Variants in HPSE2 observed in about 807,000 individuals in gnomAD.
HPSE2 encodes the protein heparanase 2 (inactive), also known as inactive heparanase-2.
HPSE2 carries 38 observed loss-of-function variants against 60.5 expected under a neutral mutation model. That is an observed-to-expected ratio of 0.63 (90% CI 0.48 to 0.82). The LOEUF is 0.82. Among genes scored for constraint, HPSE2 ranks in the 40% least tolerant of loss-of-function variants. The pLI is 0.00. For missense variants in HPSE2, 713 were observed against 740.4 expected (o/e 0.96, Z 0.43); for synonymous variants, 295 against 293.2 (o/e 1.01, Z -0.06).
At chr10:98,838,905 T>C (rs1042328566) in intron 3 of HPSE2, among the ~76,000 whole-genome samples, 5 of 152,136 alleles carry the variant, frequency 3.3e-5, no homozygotes, top group African/African-American at 1.2e-4. Flanking sequence ...GGCTCATCTG[T>C]AGATCCTGTG....
intron 3 of HPSE2, among the ~76,000 whole-genome samples, chr10:99,118,155 A>G (rs954488038): frequency 6.6e-6 from 1 of 152,168 alleles, no homozygotes; most frequent in African/African-American, 2.4e-5. Flanking sequence ...TATTATCTCA[A>G]TAGACGCAGG....
At chr10:98,792,659 C>T (rs528704569) in intron 3 of HPSE2, among the ~76,000 whole-genome samples, 1 of 147,360 alleles carries the variant, frequency 6.8e-6, no homozygotes, top group African/African-American at 2.5e-5. Flanking sequence ...AAAAAAAACA[C>T]GAAGAATGGA....
chr10:98,929,579 A>G lies in HPSE2; in HGVS notation c.611-185523T>C, dbSNP rs2135103383. On this transcript the variant is annotated intron_variant, in intron 3 of 11. Transcript: ENST00000370552. ...CTAAGTTATTTGCCAGAAGAATTCC[A>G]ACGTTCAAAAGTTGAAAGACTATAG... Among the ~76,000 whole-genome samples, 2 of 144,008 alleles carry G rather than the reference A, an allele frequency of 1.4e-5. 1 individual carries two copies. Among genetic ancestry groups the G allele is most frequent in the East Asian group, 3.9e-4 (2 of 5,064 alleles). 94.5% of individuals were successfully genotyped at this position (144,008 alleles called of 152,430 possible).
chr10:98,911,177 T>G (rs1386593375), intron 3 of HPSE2, among the ~76,000 whole-genome samples: 2 of 152,196 alleles, frequency 1.3e-5, no homozygotes, highest in African/African-American at 4.8e-5. Flanking sequence ...GGATTGTATT[T>G]CTTTGAGCAA....
chr10:98,575,651 G>A (rs2133908273), intron 9 of HPSE2, among the ~76,000 whole-genome samples: 1 of 152,316 alleles, frequency 6.6e-6, no homozygotes, highest in East Asian at 1.9e-4. Context: ...TAAAGGCTCA[G>A]AGAGATGAGG....
At chr10:98,722,512 A>G (rs1304255910) in intron 4 of HPSE2, among the ~76,000 whole-genome samples, 1 of 152,112 alleles carries the variant, frequency 6.6e-6, no homozygotes, top group East Asian at 1.9e-4. Flanking sequence ...ATTTGTGATA[A>G]TTTGTTATGG....
intron 9 of HPSE2, among the ~76,000 whole-genome samples, chr10:98,583,579 G>A (rs760970927): frequency 3.0e-4 from 45 of 152,136 alleles, no homozygotes; most frequent in African/African-American, 9.7e-4. Context: ...TCAAAATAAC[G>A]TATGTAACCT....
intron 3 of HPSE2, among the ~76,000 whole-genome samples, chr10:98,808,848 C>T (rs1053733899): frequency 6.6e-6 from 1 of 152,122 alleles, no homozygotes; most frequent in Non-Finnish European, 1.5e-5. Flanking sequence ...CAATTAGTGT[C>T]CTAGCTACAT....
At chr10:98,854,416 C>T (rs1485338708) in intron 3 of HPSE2, among the ~76,000 whole-genome samples, 1 of 152,146 alleles carries the variant, frequency 6.6e-6, no homozygotes, top group Non-Finnish European at 1.5e-5. Flanking sequence ...TTAGCTGTAA[C>T]AGGTCAGCAT....
intron 3 of HPSE2, among the ~76,000 whole-genome samples, chr10:98,899,708 T>A (rs1451987228): frequency 6.6e-6 from 1 of 151,344 alleles, no homozygotes; most frequent in Non-Finnish European, 1.5e-5. Context: ...TAGACATTGC[T>A]GATGGAAATG....
rs111784813 is a variant in HPSE2, at chr10:98,588,052, T to C, written c.1320+26852A>G. ...GCTTCTTCAGAAGGTCAGATACTAC[T>C]TAGAACAAAAAGGTCAATATCCAGC... On this transcript the variant is annotated intron_variant, in intron 9 of 11. Transcript: ENST00000370552. Among the ~76,000 whole-genome samples the C allele has an allele frequency of 4.3e-3, 648 of 152,340 alleles. 3 individuals carry two copies. Among genetic ancestry groups the C allele is most frequent in the African/African-American group, 0.015 (626 of 41,588 alleles).
intron 3 of HPSE2, among the ~76,000 whole-genome samples, chr10:98,978,742 A>G (rs1357419496): frequency 6.6e-6 from 1 of 152,194 alleles, no homozygotes; most frequent in Admixed American, 6.6e-5. Context: ...GAAAATTGCA[A>G]TGCATACAAA....
At chr10:98,820,196 C>CTT (rs1056000128) in intron 3 of HPSE2, among the ~76,000 whole-genome samples, 2 of 152,234 alleles carry the variant, frequency 1.3e-5, no homozygotes, top group Admixed American at 1.3e-4. Flanking sequence ...ACAGACATGT[C>CTT]TTTCCCCCAA....
At chr10:98,814,984 A>T (rs1167669317) in intron 3 of HPSE2, among the ~76,000 whole-genome samples, 2 of 152,252 alleles carry the variant, frequency 1.3e-5, no homozygotes, top group African/African-American at 4.8e-5. Context: ...AATTTTAAAA[A>T]TCAGTTTGGC....
chr10:98,825,409 C>A (rs1453999441), intron 3 of HPSE2, among the ~76,000 whole-genome samples: 2 of 152,160 alleles, frequency 1.3e-5, no homozygotes, highest in African/African-American at 2.4e-5. Context: ...TAAGTGTTTG[C>A]TCTTCCTCGA....
chr10:98,658,904 C>G (rs1947148893), intron 6 of HPSE2, among the ~76,000 whole-genome samples: 1 of 145,704 alleles, frequency 6.9e-6, no homozygotes, highest in South Asian at 2.2e-4. Flanking sequence ...TTGATTGATA[C>G]TGGCAGAGTT....
rs78620915 is a variant in HPSE2, at chr10:98,841,760, G to C, written c.611-97704C>G. Among the ~76,000 whole-genome samples the C allele has an allele frequency of 9.3e-3, 1,406 of 151,900 alleles. 9 individuals are homozygous for C. The highest frequency in any genetic ancestry group is 0.015 in the Non-Finnish European group (1,010 of 67,974). ...ACAAAAAGTACATTATCTTCCCCCA[G>C]TGGAATGTAAATTTCATGACTTTCT... On this transcript the variant is annotated intron_variant, in intron 3 of 11. Transcript: ENST00000370552.
chr10:98,461,688 A>G (rs957262431), intron 11 of HPSE2: 47 of 1,084,290 alleles, frequency 4.3e-5, no homozygotes, highest in Middle Eastern at 4.0e-4. Flanking sequence ...ACTCAAATTT[A>G]TATCAGGTCT....
chr10:99,297,743 C>A, the HPSE2 span, among the ~76,000 whole-genome samples: 1 of 151,984 alleles, frequency 6.6e-6, no homozygotes, highest in South Asian at 2.1e-4. Flanking sequence ...TGCTGGCCAC[C>A]CCCTGGGTGG....
Sources: allele counts gnomAD v4.1 joint callset (sites outside exome capture counted in the v4.1 genomes callset), GRCh38; gene constraint gnomAD v4.1.1; transcripts MANE v1.5; gene names NCBI Gene and HGNC (gene_info 2026-07-23, HGNC 2026-07-21).